Variants in UMOD observed in about 807,000 individuals in gnomAD.
UMOD encodes Tamm-Horsfall urinary glycoprotein.
UMOD carries 64 observed loss-of-function variants against 66.0 expected under a neutral mutation model. That is an observed-to-expected ratio of 0.97 (90% CI 0.79 to 1.19). The LOEUF is 1.19. UMOD is among the 50% of genes most tolerant of loss of function. The pLI, the probability that UMOD is intolerant of heterozygous loss-of-function variation, is 0.00. For synonymous variants in UMOD, 398 were observed against 352.7 expected, an observed-to-expected ratio of 1.13 and a Z score of -1.44; for missense variants, 764 against 850.9, an observed-to-expected ratio of 0.90 and a Z score of 1.27.
rs1176330471 is a variant in UMOD, at chr16:20,333,074, G to A, written c.*240C>T. 1.9e-6 allele frequency: 1 copy of A among 521,896 alleles called. No homozygotes were observed. Among genetic ancestry groups the A allele is most frequent in the Non-Finnish European group, 3.5e-6 (1 of 283,252 alleles). 32.3% of individuals were successfully genotyped at this position (521,896 alleles called of 1,614,324 possible). ...ACTGAGATTTAAAAATCATTATTTT[G>A]CCACACTCTTTAAGGAGATGGGGGC... On this transcript the variant is annotated 3_prime_UTR_variant, in exon 11 of 11. Coordinates refer to ENST00000396138, the MANE Select transcript of UMOD (RefSeq NM_003361.4).
At chr16:20,354,145 C>T (rs1368036301), upstream of UMOD, among the ~76,000 whole-genome samples, 1 of 152,146 alleles carries the variant, frequency 6.6e-6, no homozygotes, top group Non-Finnish European at 1.5e-5. Flanking sequence ...TTTCTTAATC[C>T]AGTCTATCAT....
At chr16:20,343,795 C>A (rs1210053428) in intron 6 of UMOD, among the ~76,000 whole-genome samples, 2 of 152,180 alleles carry the variant, frequency 1.3e-5, no homozygotes, top group Non-Finnish European at 2.9e-5. Context: ...GGGGCTTGAA[C>A]CAGGCAGTGC....
Position 20,334,545 on chromosome 16 carries a change from A to C in UMOD, c.1861+937T>G, listed in dbSNP as rs188264376. 1.3e-4 allele frequency among the ~76,000 whole-genome samples: 20 copies of C among 152,288 alleles called. No homozygotes were observed. The East Asian group carries it at 3.9e-3, about 29-fold the overall frequency. ...GGGTAAACATGTCTGGATGACCTAC[A>C]TTCTCATGTGATTATCTGGGCATGC... On this transcript the variant is annotated intron_variant, in intron 10 of 10. Transcript: ENST00000396138.
chr16:20,344,621 C>T (rs1265484751), intron 5 of UMOD, among the ~76,000 whole-genome samples: 1 of 150,324 alleles, frequency 6.7e-6, no homozygotes, highest in South Asian at 2.1e-4. Context: ...AAAAAAATCC[C>T]ACAACAGTTA....
At position 20,333,075 on chromosome 16, in the gene UMOD, C is replaced by T. The variant is rs1964680281; in HGVS notation, c.*239G>A. 4 of 525,016 alleles carry T rather than the reference C, an allele frequency of 7.6e-6. No homozygotes were observed. The highest frequency in any genetic ancestry group is 7.0e-5 in the East Asian group (2 of 28,642). 32.5% of individuals were successfully genotyped at this position (525,016 alleles called of 1,614,324 possible). A position where few individuals can be genotyped will look rare whatever the true frequency, so the allele number is the denominator to read the frequency against. On this transcript the variant is annotated 3_prime_UTR_variant, in exon 11 of 11. Transcript: ENST00000396138. Reference sequence around the variant, plus strand: ...CTGAGATTTAAAAATCATTATTTTGCCACACTCTTTAAGGAGATGGGGGCC... The same window carrying T: ...CTGAGATTTAAAAATCATTATTTTGTCACACTCTTTAAGGAGATGGGGGCC...
Position 20,337,424 on chromosome 16 carries a change from T to C in UMOD, c.1607A>G (p.Gln536Arg). 1 of 1,614,210 alleles carries C rather than the reference T, an allele frequency of 6.2e-7. No individual in the cohort carries two copies. The highest frequency in any genetic ancestry group is 8.5e-7 in the Non-Finnish European group (1 of 1,180,044). ...GGAGGACTCCCCATTCTCCACCACTTGGATAGTTGAGTCTCTAGTGTGTGG... is the reference window on the plus strand; with the variant it reads ...GGAGGACTCCCCATTCTCCACCACTCGGATAGTTGAGTCTCTAGTGTGTGG... ...RCPHTRDSTI[Q>R]VVENGESSQG... Residue 536 changes from glutamine to arginine, a missense_variant, in exon 8 of 11, where the codon CAA becomes CGA. Gln to Arg is a conservative substitution (Grantham distance 43, BLOSUM62 1). Coordinates refer to ENST00000396138, the MANE Select transcript of UMOD (RefSeq NM_003361.4).
chr16:20,337,479 G>A (rs1208267798), intron 7 of UMOD, 26 bp from the exon 8 acceptor site: 1 of 1,614,056 alleles, frequency 6.2e-7, no homozygotes, highest in Non-Finnish European at 8.5e-7. Context: ...ATCATTTAAT[G>A]TGGTTGGTTA....
At chr16:20,346,508 A>G (rs970108265) in intron 4 of UMOD, among the ~76,000 whole-genome samples, 174 bp from the exon 5 acceptor site, 25 of 152,248 alleles carry the variant, frequency 1.6e-4, no homozygotes, top group African/African-American at 5.5e-4. Context: ...GACCTCTGAC[A>G]TCAATGGATA....
Position 20,334,905 on chromosome 16 carries a change from C to T in UMOD, c.1861+577G>A, listed in dbSNP as rs910859021. ...GGAGTGCAGTGGCGTGATCTTGGCT[C>T]ACTGCAACCTCTGCCCCCCGTGGTT... On this transcript the variant is annotated intron_variant, in intron 10 of 10. Transcript: ENST00000396138. 2.7e-5 allele frequency among the ~76,000 whole-genome samples: 4 copies of T among 149,554 alleles called. No individual in the cohort carries two copies. The East Asian group carries it at 5.9e-4, about 22-fold the overall frequency.
chr16:20,354,859 C>T (rs1021329919), upstream of UMOD, among the ~76,000 whole-genome samples: 5 of 152,148 alleles, frequency 3.3e-5, no homozygotes, highest in Admixed American at 2.0e-4. Flanking sequence ...GCAAATCAAT[C>T]AATCCAGACC....
At chr16:20,343,958 A>G in intron 6 of UMOD, 66 bp downstream of exon 6, 1 of 1,592,016 alleles carries the variant, frequency 6.3e-7, no homozygotes, top group South Asian at 1.1e-5. Flanking sequence ...TTGACAGGGA[A>G]GCTCATGGTT....
At chr16:20,349,849 C>G in intron 2 of UMOD, 2 of 1,548,734 alleles carry the variant, frequency 1.3e-6, no homozygotes, top group Non-Finnish European at 1.7e-6. Flanking sequence ...CTCCACCTGG[C>G]TGGGCAGTTG....
Position 20,344,329 on chromosome 16 carries a change from G to A in UMOD, c.1183-157C>T, listed in dbSNP as rs8054296. 0.44 allele frequency among the ~76,000 whole-genome samples: 67,212 copies of A among 151,948 alleles called. 18,694 individuals are homozygous for A. The highest frequency in any genetic ancestry group is 0.64 in the Non-Finnish European group (43,598 of 67,918). On this transcript the variant is annotated intron_variant, in intron 5 of 10. Coordinates refer to ENST00000396138, the MANE Select transcript of UMOD (RefSeq NM_003361.4). ...GATAAAAAGCTGCCTGTGGCCGGGC[G>A]CATTAGCTCACGCTTGTAATCCCAG...
chr16:20,342,395 G>A (rs1965275175), intron 6 of UMOD: 1 of 152,330 alleles, frequency 6.6e-6, no homozygotes, highest in African/African-American at 2.4e-5. Context: ...GGGCACACTT[G>A]TTGTTCCCCA....
intron 10 of UMOD, among the ~76,000 whole-genome samples, chr16:20,335,264 C>A (rs530992696): frequency 6.6e-6 from 1 of 152,154 alleles, no homozygotes; most frequent in Admixed American, 6.5e-5. Flanking sequence ...AATAAGTGAT[C>A]TGTATACTGG....
chr16:20,343,981 G>A (rs745818135), intron 6 of UMOD, 43 bp downstream of exon 6: 1 of 1,611,612 alleles, frequency 6.2e-7, no homozygotes, highest in Non-Finnish European at 8.5e-7. Flanking sequence ...GGGGTTTGGG[G>A]TTAGAACCAT....
At chr16:20,333,571 A>T (rs1425374809) in intron 10 of UMOD, among the ~76,000 whole-genome samples, 196 bp from the exon 11 acceptor site, 2 of 152,228 alleles carry the variant, frequency 1.3e-5, no homozygotes, top group Non-Finnish European at 2.9e-5. Context: ...TTCCTCCGGC[A>T]CTAGGCTTGG....
At chr16:20,334,135 C>A (rs763093301) in intron 10 of UMOD, among the ~76,000 whole-genome samples, 19 of 150,058 alleles carry the variant, frequency 1.3e-4, no homozygotes, top group South Asian at 6.4e-4. Flanking sequence ...GATTTTTAGA[C>A]AATTCAGTGC....
rs756595363 is a variant in UMOD, at chr16:20,346,179, A to T, written c.1129T>A (p.Trp377Arg). 3 of 1,614,230 alleles carry T rather than the reference A, an allele frequency of 1.9e-6. No homozygotes were observed. The highest frequency in any genetic ancestry group is 1.7e-6 in the Non-Finnish European group (2 of 1,180,046). ...SGFNDRDNRD[W>R]VSVVTPARDG... ...CGGGCTGGGGTCACTACAGACACCC[A>T]GTCCCGGTTGTCTCTGTCATTGAAG... Residue 377 changes from tryptophan (W) to arginine (R), a missense_variant, in exon 5 of 11, where the codon TGG becomes AGG. Trp to Arg is a moderately radical substitution (Grantham distance 101). Coordinates refer to ENST00000396138, the MANE Select transcript of UMOD (RefSeq NM_003361.4).
Sources: gnomAD v4.1 joint callset for allele counts (sites outside exome capture counted in the v4.1 genomes callset) on GRCh38, gnomAD v4.1.1 for gene constraint, MANE v1.5 for transcripts, NCBI Gene and HGNC (gene_info 2026-07-23, HGNC 2026-07-21) for gene names.